CIMIP6: variants seen among roughly 807,000 people sequenced by gnomAD.
The protein encoded by CIMIP6 is ciliary microtubule inner protein 6.
the CIMIP6 span, chr2:54,382,932 C>A: frequency 6.6e-6 from 1 of 152,142 alleles, no homozygotes; most frequent in Non-Finnish European, 1.5e-5. Context: ...ACAAATACGG[C>A]GGAGATGGCA....
At chr2:54,357,876 C>T in the CIMIP6 span, among the ~76,000 whole-genome samples, 1 of 151,948 alleles carries the variant, frequency 6.6e-6, no homozygotes, top group Non-Finnish European at 1.5e-5. Context: ...TGGGCTACTG[C>T]GCCCAGCCAC....
At chr2:54,364,870 A>G in the CIMIP6 span, among the ~76,000 whole-genome samples, 280 of 152,358 alleles carry the variant, frequency 1.8e-3, 2 homozygotes, top group African/African-American at 6.6e-3. Flanking sequence ...TAACAGGAAC[A>G]TTTGAAATAT....
chr2:54,366,713 G>T, the CIMIP6 span, among the ~76,000 whole-genome samples: 2 of 151,598 alleles, frequency 1.3e-5, no homozygotes, highest in Non-Finnish European at 2.9e-5. Flanking sequence ...TGGATGCAAG[G>T]CAGCAATGGA....
the CIMIP6 span, among the ~76,000 whole-genome samples, chr2:54,342,354 T>G: frequency 3.9e-5 from 6 of 152,220 alleles, no homozygotes; most frequent in African/African-American, 1.2e-4. Flanking sequence ...TAACCTTTTT[T>G]GGGGCTGTAG....
the CIMIP6 span, among the ~76,000 whole-genome samples, chr2:54,333,882 C>T: frequency 1.3e-5 from 2 of 152,056 alleles, no homozygotes; most frequent in Non-Finnish European, 1.5e-5. Flanking sequence ...CAGAGTAAGA[C>T]TCCGTCTCAA....
the CIMIP6 span, among the ~76,000 whole-genome samples, chr2:54,342,444 G>C: frequency 1.3e-5 from 2 of 152,178 alleles, no homozygotes; most frequent in South Asian, 4.2e-4. Flanking sequence ...TTATCAATTT[G>C]TAAAATTTTA....
the CIMIP6 span, chr2:54,331,069 G>A: frequency 1.9e-5 from 29 of 1,518,160 alleles, no homozygotes; most frequent in Non-Finnish European, 2.3e-5. Flanking sequence ...GGGGGAGGCC[G>A]GGATCCAGCA....
the CIMIP6 span, among the ~76,000 whole-genome samples, chr2:54,335,204 A>G: frequency 2.6e-5 from 4 of 152,168 alleles, no homozygotes; most frequent in East Asian, 7.7e-4. Flanking sequence ...TATAAACAAT[A>G]CGGATACAGG....
the CIMIP6 span, among the ~76,000 whole-genome samples, chr2:54,370,781 C>T: frequency 5.3e-5 from 8 of 152,298 alleles, no homozygotes; most frequent in East Asian, 7.7e-4. Flanking sequence ...GAGTTCCTGA[C>T]GTTCTCCTGA....
At chr2:54,335,091 G>T in the CIMIP6 span, 1 of 1,279,286 alleles carries the variant, frequency 7.8e-7, no homozygotes, top group Non-Finnish European at 1.1e-6. Flanking sequence ...AGAATAATTT[G>T]GTCACAGACT....
the CIMIP6 span, chr2:54,381,955 C>A: frequency 1.5e-3 from 2,253 of 1,547,688 alleles, 16 homozygotes; most frequent in South Asian, 5.7e-3. Flanking sequence ...GGTTTCATGC[C>A]ATCTTATTTT....
At chr2:54,370,687 C>T in the CIMIP6 span, among the ~76,000 whole-genome samples, 2,346 of 152,160 alleles carry the variant, frequency 0.015, 67 homozygotes, top group African/African-American at 0.053. Flanking sequence ...AGTTCTGTTG[C>T]GGGGGCCTGC....
chr2:54,343,582 A>G, the CIMIP6 span: 42 of 540,186 alleles, frequency 7.8e-5, no homozygotes, highest in Admixed American at 1.6e-3. Context: ...AGATATTTCC[A>G]GATTTCAGAA....
the CIMIP6 span, among the ~76,000 whole-genome samples, chr2:54,348,505 A>C: frequency 6.6e-6 from 1 of 152,290 alleles, no homozygotes; most frequent in Non-Finnish European, 1.5e-5. Flanking sequence ...AGATTCAATA[A>C]ATATTTATTA....
chr2:54,368,729 AT>A, the CIMIP6 span, among the ~76,000 whole-genome samples: 1 of 152,202 alleles, frequency 6.6e-6, no homozygotes, highest in Non-Finnish European at 1.5e-5. Flanking sequence ...ACAAAGTCCA[AT>A]AAAAACTCTG....
At chr2:54,330,932 G>T in the CIMIP6 span, 5 of 1,606,362 alleles carry the variant, frequency 3.1e-6, no homozygotes, top group Non-Finnish European at 4.3e-6. Context: ...CTGCGTCCCT[G>T]TTCTTCCCAG....
At chr2:54,368,770 T>C in the CIMIP6 span, among the ~76,000 whole-genome samples, 1 of 152,208 alleles carries the variant, frequency 6.6e-6, no homozygotes, top group Non-Finnish European at 1.5e-5. Flanking sequence ...TTTCCCTGAT[T>C]GGCATTACTC....
the CIMIP6 span, among the ~76,000 whole-genome samples, chr2:54,378,817 G>A: frequency 9.5e-4 from 145 of 152,258 alleles, no homozygotes; most frequent in South Asian, 0.01. Flanking sequence ...CTTTGGACCC[G>A]CATGTCCTGA....
At chr2:54,371,420 GGGCA>G in the CIMIP6 span, among the ~76,000 whole-genome samples, 1 of 152,204 alleles carries the variant, frequency 6.6e-6, no homozygotes, top group Non-Finnish European at 1.5e-5. Flanking sequence ...CAGTCATCTT[GGGCA>G]GGCACATCTA....
Sources: allele counts gnomAD v4.1 joint callset (sites outside exome capture counted in the v4.1 genomes callset), GRCh38; gene constraint gnomAD v4.1.1; transcripts MANE v1.5; gene names NCBI Gene and HGNC (gene_info 2026-07-23, HGNC 2026-07-21).